JAZF1: variants seen among roughly 807,000 people sequenced by gnomAD.
JAZF1 encodes juxtaposed with another zinc finger protein 1.
In JAZF1, 8 loss-of-function variants were observed where a neutral mutation model predicts 26.4. The observed-to-expected ratio is 0.30, with a 90% CI of 0.18 to 0.55. The LOEUF (loss-of-function observed/expected upper bound fraction) is 0.55. JAZF1 is among the 20% of genes least tolerant of loss of function. The pLI, the probability that JAZF1 is intolerant of heterozygous loss-of-function variation, is 0.94. For missense variants in JAZF1, 199 were observed against 322.0 expected, an observed-to-expected ratio of 0.62 and a Z score of 2.92; for synonymous variants, 126 against 122.3, an observed-to-expected ratio of 1.03 and a Z score of -0.20.
chr7:28,066,028 C>A (rs1385719095), intron 1 of JAZF1, among the ~76,000 whole-genome samples: 1 of 152,174 alleles, frequency 6.6e-6, no homozygotes. Flanking sequence ...AAGCAAGGAA[C>A]TCACTAGTGC....
chr7:28,164,655 T>C (rs1018664697), intron 1 of JAZF1, among the ~76,000 whole-genome samples: 3 of 152,188 alleles, frequency 2.0e-5, no homozygotes, highest in Non-Finnish European at 4.4e-5. Flanking sequence ...GGTGAAATAG[T>C]ATCTTCAGAG....
At chr7:28,165,492 T>C (rs936524533) in intron 1 of JAZF1, among the ~76,000 whole-genome samples, 1 of 152,146 alleles carries the variant, frequency 6.6e-6, no homozygotes, top group African/African-American at 2.4e-5. Context: ...TTCCACATCA[T>C]CCTTTGGGGC....
intron 2 of JAZF1, among the ~76,000 whole-genome samples, chr7:27,906,259 C>CT (rs196): frequency 0.37 from 56,952 of 151,960 alleles, 10,899 homozygotes; most frequent in East Asian, 0.5. Flanking sequence ...TGGATGCCCC[C>CT]GTTCCCTGGC....
At chr7:27,948,304 A>G (rs1026559170) in intron 2 of JAZF1, among the ~76,000 whole-genome samples, 3 of 152,162 alleles carry the variant, frequency 2.0e-5, no homozygotes, top group African/African-American at 7.2e-5. Context: ...TATCATTGCA[A>G]ACACAGCCAA....
At chr7:27,882,378 T>C (rs1054112521) in intron 3 of JAZF1, among the ~76,000 whole-genome samples, 1 of 152,184 alleles carries the variant, frequency 6.6e-6, no homozygotes, top group African/African-American at 2.4e-5. Context: ...AATAAATCTT[T>C]GATCTGATAA....
At chr7:27,991,789 A>G (rs1007130444) in intron 2 of JAZF1, 120 bp downstream of exon 2, 1 of 645,212 alleles carries the variant, frequency 1.5e-6, no homozygotes, top group Non-Finnish European at 2.7e-6. Context: ...GCTTTTAAAT[A>G]GTTTCATGCA....
chr7:28,019,727 G>A (rs570399865), intron 1 of JAZF1, among the ~76,000 whole-genome samples: 8 of 152,208 alleles, frequency 5.3e-5, no homozygotes, highest in Admixed American at 2.6e-4. Context: ...GGTCTCTGGG[G>A]AGATATTTGC....
At chr7:28,119,366 C>A (rs1441293350) in intron 1 of JAZF1, among the ~76,000 whole-genome samples, 1 of 152,150 alleles carries the variant, frequency 6.6e-6, no homozygotes, top group Non-Finnish European at 1.5e-5. Context: ...TACTTTGTTT[C>A]CTCTATGCCA....
At chr7:27,876,209 G>A (rs1368516087) in intron 3 of JAZF1, among the ~76,000 whole-genome samples, 1 of 152,246 alleles carries the variant, frequency 6.6e-6, no homozygotes, top group Non-Finnish European at 1.5e-5. Flanking sequence ...CTCTGGCCAA[G>A]GTGGGGTGGA....
intron 1 of JAZF1, among the ~76,000 whole-genome samples, chr7:28,025,904 C>T (rs1467541701): frequency 1.3e-5 from 2 of 152,152 alleles, no homozygotes; most frequent in African/African-American, 4.8e-5. Context: ...CCAAACTTTG[C>T]CAAGGTGCTG....
chr7:27,960,400 C>T (rs1365999748), intron 2 of JAZF1, among the ~76,000 whole-genome samples: 2 of 152,240 alleles, frequency 1.3e-5, no homozygotes, highest in African/African-American at 4.8e-5. Flanking sequence ...GTTACACTCA[C>T]TTTGGGGTAA....
At chr7:27,908,785 A>G (rs896695666) in intron 2 of JAZF1, among the ~76,000 whole-genome samples, 17 of 152,228 alleles carry the variant, frequency 1.1e-4, no homozygotes, top group African/African-American at 4.1e-4. Context: ...CTATCAGGCC[A>G]ACCTCATCTA....
intron 1 of JAZF1, among the ~76,000 whole-genome samples, chr7:28,112,789 C>T (rs1327237563): frequency 1.3e-5 from 2 of 152,178 alleles, no homozygotes; most frequent in African/African-American, 2.4e-5. Context: ...GCTGACCGTA[C>T]AGACCTCGAG....
intron 3 of JAZF1, among the ~76,000 whole-genome samples, chr7:27,886,751 G>A (rs776668523): frequency 1.2e-4 from 18 of 152,190 alleles, no homozygotes; most frequent in Non-Finnish European, 2.1e-4. Context: ...ATGCTTTTCT[G>A]TATCCCCAAT....
At chr7:28,100,162 G>C (rs918913374) in intron 1 of JAZF1, among the ~76,000 whole-genome samples, 2 of 152,142 alleles carry the variant, frequency 1.3e-5, no homozygotes, top group Admixed American at 1.3e-4. Flanking sequence ...AGAGAGGGTG[G>C]GGAGAGAAAC....
In JAZF1 at chr7:28,064,327, A is replaced by C. The variant is rs376699824; in HGVS notation, c.116-72346T>G. On this transcript the variant is annotated intron_variant, in intron 1 of 4. Transcript: ENST00000283928. ...ACCAACATAAAATTTAAAAGAAGGA[A>C]ACTATGTAAAAATCGTATATAAGCA... is the stretch of plus-strand genomic sequence containing the variant. 1.5e-4 allele frequency among the ~76,000 whole-genome samples: 23 copies of C among 152,246 alleles called. No homozygotes were observed. In the South Asian group the frequency reaches 4.1e-3, roughly 27 times the overall value.
At chr7:27,845,696 C>CAA (rs796643520) in intron 3 of JAZF1, among the ~76,000 whole-genome samples, 11 of 51,092 alleles carry the variant, frequency 2.2e-4, no homozygotes, top group African/African-American at 7.4e-4. Context: ...GACTCTGCCT[C>CAA]AAAAAAAAAA....
Position 27,832,558 on chromosome 7 carries a change from C to G in JAZF1, c.*242G>C. The G allele has an allele frequency of 3.2e-6, 1 of 309,994 alleles. No homozygotes were observed. The highest frequency in any genetic ancestry group is 2.1e-5 in the African/African-American group (1 of 47,354). The allele number at this position is 309,994 out of a possible 1,614,324, so 19.2% of individuals were successfully genotyped here. On this transcript the variant is annotated 3_prime_UTR_variant, in exon 5 of 5. Coordinates refer to ENST00000283928, the MANE Select transcript of JAZF1 (RefSeq NM_175061.4). ...GGGAAATGTGCTGAAGAACCTAGAGCTTTTTTTGTTTAGCACCTTATATCA... is the reference window on the plus strand; with the variant it reads ...GGGAAATGTGCTGAAGAACCTAGAGGTTTTTTTGTTTAGCACCTTATATCA...
At chr7:27,884,763 ACTT>A (rs1783829432) in intron 3 of JAZF1, among the ~76,000 whole-genome samples, 1 of 152,200 alleles carries the variant, frequency 6.6e-6, no homozygotes, top group African/African-American at 2.4e-5. Context: ...TGGATGAACT[ACTT>A]ATCATTTTGG....
Sources: gnomAD v4.1 joint callset for allele counts (sites outside exome capture counted in the v4.1 genomes callset) on GRCh38, gnomAD v4.1.1 for gene constraint, MANE v1.5 for transcripts, NCBI Gene and HGNC (gene_info 2026-07-23, HGNC 2026-07-21) for gene names.